The following NOD2 variants were observed in gnomAD, a reference collection of about 807,000 sequenced individuals.
NOD2 encodes nucleotide binding oligomerization domain containing 2.
NOD2 carries 86 observed loss-of-function variants against 90.9 expected under a neutral mutation model. That is an observed-to-expected ratio of 0.95 (90% CI 0.79 to 1.13). The LOEUF (loss-of-function observed/expected upper bound fraction) is 1.13. Among genes scored for constraint, NOD2 ranks in the 50% most tolerant of loss-of-function variants. The pLI, the probability that NOD2 is intolerant of heterozygous loss-of-function variation, is 0.00. For missense variants in NOD2, 1,238 were observed against 1,283.8 expected (o/e 0.96, Z 0.55); for synonymous variants, 581 against 554.6 (o/e 1.05, Z -0.67).
rs775281342 is a variant in NOD2, at chr16:50,699,945, G to A, written c.450G>A (p.Pro150=). ...AAATCAGGTTGCCGATCTTCACACC[G>A]TCCCAGAGGGTGAGGCACTCCTGGT... ...CDEIRLPIFT[P]SQRARRLLDL... Residue 150 remains proline, a synonymous_variant, in exon 2 of 12, where the codon CCG becomes CCA. Coordinates refer to ENST00000647318, the MANE Select transcript of NOD2 (RefSeq NM_001370466.1). 144 of 1,606,262 alleles carry A rather than the reference G, an allele frequency of 9.0e-5. No individual in the cohort carries two copies. The highest frequency in any genetic ancestry group is 8.3e-4 in the South Asian group (76 of 91,072).
chr16:50,697,332 A>G lies in NOD2; in HGVS notation c.-8-2156A>G, dbSNP rs770908244. 3.9e-6 allele frequency: 6 copies of G among 1,551,992 alleles called. No homozygotes were observed. In the South Asian group the frequency reaches 7.1e-5, roughly 18 times the overall value. ...CATTCTCCGGGTAAGAGGAGCAGGC[A>G]TTGTCCCGTCCCAGCTTGATCCTCA... On this transcript the variant is annotated intron_variant, in intron 1 of 11. Transcript: ENST00000647318.
In NOD2 at chr16:50,716,686, C is replaced by T. The variant is rs775570165; in HGVS notation, c.2465+16C>T. The T allele has an allele frequency of 6.2e-7, 1 of 1,613,004 alleles. No individual in the cohort carries two copies. Among genetic ancestry groups the T allele is most frequent in the South Asian group, 1.1e-5 (1 of 91,046 alleles). ...AGAAGTTAGCGTAAGTCAGCCTGGGCTGTGGACAATGGGCTCCAAGTGCCC... is the reference window on the plus strand; with the variant it reads ...AGAAGTTAGCGTAAGTCAGCCTGGGTTGTGGACAATGGGCTCCAAGTGCCC... On this transcript the variant is annotated intron_variant, in intron 5 of 11. Coordinates refer to ENST00000647318, the MANE Select transcript of NOD2 (RefSeq NM_001370466.1).
intron 6 of NOD2, 61 bp from the exon 7 acceptor site, chr16:50,719,864 G>A (rs888795291): frequency 2.7e-6 from 4 of 1,472,264 alleles, no homozygotes; most frequent in Non-Finnish European, 3.8e-6. Context: ...CCAGGGCACA[G>A]ACGGCCCTCC....
chr16:50,711,207 G>C lies in NOD2; in HGVS notation c.1215G>C (p.Ala405=). ...VVTSRPAAVS[A]FLRKYIRTEF... is the part of the protein sequence containing the mutation. The stretch of plus-strand genomic sequence containing the variant: ...CCAGCCGTCCGGCCGCTGTGTCGGC[G>C]TTCCTCAGGAAGTACATCCGCACCG... Residue 405 remains alanine (A), a synonymous_variant, in exon 4 of 12, where the codon GCG becomes GCC. Coordinates refer to ENST00000647318, the MANE Select transcript of NOD2 (RefSeq NM_001370466.1). The C allele has an allele frequency of 6.2e-7, 1 of 1,614,018 alleles. No homozygotes were observed. Among genetic ancestry groups the C allele is most frequent in the Non-Finnish European group, 8.5e-7 (1 of 1,180,036 alleles).
chr16:50,719,589 G>A (rs752026706), intron 6 of NOD2, among the ~76,000 whole-genome samples: 8 of 152,238 alleles, frequency 5.3e-5, no homozygotes, highest in Non-Finnish European at 1.0e-4. Context: ...TGGATCGAGG[G>A]CGGCTGAGAC....
At chr16:50,698,710 G>A (rs1198615998) in intron 1 of NOD2, among the ~76,000 whole-genome samples, 1 of 152,174 alleles carries the variant, frequency 6.6e-6, no homozygotes, top group Non-Finnish European at 1.5e-5. Context: ...AGAATGGGTA[G>A]ATCATAGGCA....
intron 4 of NOD2, 108 bp downstream of exon 4, chr16:50,712,481 C>T: frequency 7.0e-7 from 1 of 1,426,500 alleles, no homozygotes; most frequent in Non-Finnish European, 9.8e-7. Flanking sequence ...TCGCCTCTGC[C>T]ACCCTGCTTT....
intron 4 of NOD2, chr16:50,712,621 T>G: frequency 3.8e-5 from 22 of 571,906 alleles, no homozygotes; most frequent in Non-Finnish European, 5.0e-5. Flanking sequence ...ATCTAATCTC[T>G]ACAACCACCC....
Position 50,712,212 on chromosome 16 carries a change from C to T in NOD2, c.2220C>T (p.Leu740=). 1 of 1,613,946 alleles carries T rather than the reference C, an allele frequency of 6.2e-7. No individual in the cohort carries two copies. The highest frequency in any genetic ancestry group is 8.5e-7 in the Non-Finnish European group (1 of 1,180,032). The change falls in exon 4 of 12, where the codon CTC becomes CTT. Residue 740 remains leucine, a synonymous_variant. Transcript: ENST00000647318. The stretch of plus-strand genomic sequence containing the variant: ...CACGTGGCCTGAATGTTGGGCACCT[C>T]AAGTTGACATTTTGCAGTGTGGGCC... ...KAARGLNVGH[L]KLTFCSVGPT...
At chr16:50,724,111 A>G (rs1438514328) in intron 9 of NOD2, among the ~76,000 whole-genome samples, 1 of 152,182 alleles carries the variant, frequency 6.6e-6, no homozygotes, top group East Asian at 1.9e-4. Context: ...AGATGCCACT[A>G]GTATAGTTTT....
chr16:50,728,015 C>T (rs530059437), intron 10 of NOD2: 23 of 254,496 alleles, frequency 9.0e-5, no homozygotes, highest in South Asian at 4.6e-4. Flanking sequence ...ACAATCAGAT[C>T]AAGAAATGGT....
At chr16:50,724,756 T>C (rs1012394306) in intron 9 of NOD2, among the ~76,000 whole-genome samples, 1 of 152,192 alleles carries the variant, frequency 6.6e-6, no homozygotes, top group Non-Finnish European at 1.5e-5. Flanking sequence ...AGTTTAACTA[T>C]ATGTTAAGCT....
chr16:50,728,494 A>C (rs1965342253), intron 10 of NOD2: 1 of 166,264 alleles, frequency 6.0e-6, no homozygotes, highest in African/African-American at 2.4e-5. Context: ...AGTCATTAGC[A>C]AAAAATCATA....
At chr16:50,726,407 G>A (rs1200956199) in intron 10 of NOD2, among the ~76,000 whole-genome samples, 1 of 152,214 alleles carries the variant, frequency 6.6e-6, no homozygotes, top group Non-Finnish European at 1.5e-5. Flanking sequence ...TTTGCTGCCA[G>A]GCTGCTACCC....
rs148642485 is a variant in NOD2, at chr16:50,726,425, C to T, written c.2885+853C>T. On this transcript the variant is annotated intron_variant, in intron 10 of 11. Transcript: ENST00000647318. The stretch of plus-strand genomic sequence containing the variant: ...GCTGCCAGGCTGCTACCCACTCTGG[C>T]GACACTCATTTGTGTTGCTTTCACA... Among the ~76,000 whole-genome samples, 20 of 152,312 alleles carry T rather than the reference C, an allele frequency of 1.3e-4. No homozygotes were observed. In the East Asian group the frequency reaches 3.3e-3, roughly 25 times the overall value.
rs141773998 is a variant in NOD2, at chr16:50,713,516, T to A, written c.2381+1143T>A. On this transcript the variant is annotated intron_variant, in intron 4 of 11. Transcript: ENST00000647318. The stretch of plus-strand genomic sequence containing the variant: ...ATAACATATATAGCGAATATATATA[T>A]GTATTATATGCAATGAATGTAAATA... The A allele has an allele frequency of 2.6e-5, 4 of 152,320 alleles. No homozygotes were observed. In the East Asian group the frequency reaches 7.7e-4, roughly 29 times the overall value. 9.4% of individuals were successfully genotyped at this position (152,320 alleles called of 1,614,324 possible). A position where few individuals can be genotyped will look rare whatever the true frequency, so the allele number is the denominator to read the frequency against.
intron 3 of NOD2, among the ~76,000 whole-genome samples, chr16:50,708,439 A>ATTC (rs1292687148): frequency 1.3e-5 from 2 of 152,190 alleles, no homozygotes; most frequent in African/African-American, 2.4e-5. Flanking sequence ...GGACCGCACC[A>ATTC]CTTGAACATA....
At chr16:50,729,728 A>C in intron 10 of NOD2, 90 bp from the exon 11 acceptor site, 3 of 1,078,076 alleles carry the variant, frequency 2.8e-6, no homozygotes, top group Non-Finnish European at 2.9e-6. Context: ...GCTTCAGTAG[A>C]CTGGCTAACT....
At chr16:50,717,823 G>T (rs1019538647) in intron 6 of NOD2, among the ~76,000 whole-genome samples, 1 of 152,186 alleles carries the variant, frequency 6.6e-6, no homozygotes, top group Admixed American at 6.5e-5. Context: ...CCCTGAGAAG[G>T]GTGCTAGTTT....
Sources: allele counts gnomAD v4.1 joint callset (sites outside exome capture counted in the v4.1 genomes callset), GRCh38; gene constraint gnomAD v4.1.1; transcripts MANE v1.5; gene names NCBI Gene and HGNC (gene_info 2026-07-23, HGNC 2026-07-21).